The following CHD5 variants were observed in gnomAD, a reference collection of about 807,000 sequenced individuals.
The protein encoded by CHD5 is chromodomain helicase DNA binding protein 5.
A neutral mutation model predicts 230.3 loss-of-function variants in CHD5; 69 were observed. That is an observed-to-expected ratio of 0.30 (90% CI 0.25 to 0.37). The LOEUF is 0.37. Among genes scored for constraint, CHD5 ranks in the 10% least tolerant of loss-of-function variants. The probability of loss-of-function intolerance (pLI) is 1.00; values close to 1 mark genes in which losing one functional copy is unlikely to be tolerated. For synonymous variants in CHD5, 1,064 were observed against 1,065.9 expected (o/e 1.00, Z 0.03); for missense variants, 1,827 against 2,622.8 (o/e 0.70, Z 6.63).
chr1:6,130,065 G>GA lies in CHD5; in HGVS notation c.3387+138dup. ...CACTCCCAGAGCCCCTCTTGGGGCC[G>GA]AGACTCCACGGGGGAGGGAGGCCCA... On this transcript the variant is annotated intron_variant, in intron 22 of 41. Transcript: ENST00000262450. This position sits in a 1 kb window ranked among gnomAD's most constrained non-coding sequence, Gnocchi z 4.9. 3 of 980,528 alleles carry GA rather than the reference G, an allele frequency of 3.1e-6. No individual in the cohort carries two copies. The highest frequency in any genetic ancestry group is 4.6e-6 in the Non-Finnish European group (3 of 648,318). The allele number at this position is 980,528 out of a possible 1,614,324, so 60.7% of individuals were successfully genotyped here. A position where few individuals can be genotyped will look rare whatever the true frequency, so the allele number is the denominator to read the frequency against.
Position 6,134,075 on chromosome 1 carries a change from G to T in CHD5, c.3144+53C>A. 5 of 1,549,276 alleles carry T rather than the reference G, an allele frequency of 3.2e-6. No individual in the cohort carries two copies. Among genetic ancestry groups the T allele is most frequent in the Non-Finnish European group, 4.4e-6 (5 of 1,134,704 alleles). Reference sequence around the variant, plus strand: ...TTTGCGCCCCCAAGCATCAGGGCAGGATGCTCTCTGTGGGGTGTGGAGCCG... The same window carrying T: ...TTTGCGCCCCCAAGCATCAGGGCAGTATGCTCTCTGTGGGGTGTGGAGCCG... On this transcript the variant is annotated intron_variant, in intron 20 of 41. Transcript: ENST00000262450. This position sits in a 1 kb window ranked among gnomAD's most constrained non-coding sequence, Gnocchi z 6.3.
chr1:6,153,690 G>A (rs377143974), intron 5 of CHD5, among the ~76,000 whole-genome samples: 1 of 152,146 alleles, frequency 6.6e-6, no homozygotes, highest in South Asian at 2.1e-4. Flanking sequence ...AATTAGCCAG[G>A]TGTGGTGATG....
chr1:6,147,112 T>A (rs1413564378), intron 9 of CHD5, among the ~76,000 whole-genome samples: 1 of 152,202 alleles, frequency 6.6e-6, no homozygotes. Flanking sequence ...AATGGTGAAC[T>A]TATCGGCACC....
At position 6,162,393 on chromosome 1, in the gene CHD5, A is replaced by T. The variant is rs544995778; in HGVS notation, c.208-2878T>A. On this transcript the variant is annotated intron_variant, in intron 2 of 41. Coordinates refer to ENST00000262450, the MANE Select transcript of CHD5 (RefSeq NM_015557.3). Reference sequence around the variant, plus strand: ...AAGAGCCAAACTCCATCTCAAAAAAAAAAAGAAAAGAAAAGAAAGAAAAGA... The same window carrying T: ...AAGAGCCAAACTCCATCTCAAAAAATAAAAGAAAAGAAAAGAAAGAAAAGA... Among the ~76,000 whole-genome samples the T allele has an allele frequency of 3.3e-5, 5 of 152,178 alleles. No homozygotes were observed. In the East Asian group the frequency reaches 9.7e-4, roughly 29 times the overall value.
Position 6,176,584 on chromosome 1 carries a change from A to G in CHD5, c.79+3361T>C, listed in dbSNP as rs149570811. Among the ~76,000 whole-genome samples, 2 of 152,336 alleles carry G rather than the reference A, an allele frequency of 1.3e-5. 1 individual carries two copies. Among genetic ancestry groups the G allele is most frequent in the Non-Finnish European group, 2.9e-5 (2 of 68,006 alleles). ...GAGCTTACTGGCTAAGGATGCAAGT[A>G]TCAGAAGCATTTCCTTGGAGAAGGC... On this transcript the variant is annotated intron_variant, in intron 1 of 41. Coordinates refer to ENST00000262450, the MANE Select transcript of CHD5 (RefSeq NM_015557.3).
intron 3 of CHD5, among the ~76,000 whole-genome samples, chr1:6,157,839 A>G (rs1667103009): frequency 6.6e-6 from 1 of 152,172 alleles, no homozygotes; most frequent in African/African-American, 2.4e-5. Flanking sequence ...AGCTTTCAGA[A>G]CTGTCAGCCC....
intron 31 of CHD5, 149 bp downstream of exon 31, chr1:6,123,799 A>G (rs1050668398): frequency 3.9e-6 from 2 of 518,880 alleles, no homozygotes; most frequent in Non-Finnish European, 6.4e-6. Flanking sequence ...AAAATGGAAA[A>G]CTCTCTGTAG....
At chr1:6,176,463 G>A (rs1319567985) in intron 1 of CHD5, among the ~76,000 whole-genome samples, 1 of 152,184 alleles carries the variant, frequency 6.6e-6, no homozygotes, top group Non-Finnish European at 1.5e-5. Context: ...GGCCCTAAGA[G>A]GGCTGAGAGC....
At chr1:6,159,289 T>G in intron 3 of CHD5, 47 bp downstream of exon 3, 2 of 1,548,406 alleles carry the variant, frequency 1.3e-6, no homozygotes, top group Non-Finnish European at 1.7e-6. Context: ...TCAGCCCCCT[T>G]AAAGGGGGAT....
rs1185055669 is a variant in CHD5 at position 6,121,320 on chromosome 1, C to G, written c.4780-83G>C. On this transcript the variant is annotated intron_variant, in intron 32 of 41. Transcript: ENST00000262450. This position sits in a 1 kb window ranked among gnomAD's most constrained non-coding sequence, Gnocchi z 4.5. ...CGGGGAACGTGCGCTGGGCTGGGAA[C>G]CCAGTCTCCTGGCTCCCGTCGCTTG... The G allele has an allele frequency of 6.4e-7, 1 of 1,557,860 alleles. No homozygotes were observed. Among genetic ancestry groups the G allele is most frequent in the African/African-American group, 1.4e-5 (1 of 72,896 alleles).
At chr1:6,138,963 T>A (rs1157069670) in intron 15 of CHD5, among the ~76,000 whole-genome samples, 2 of 152,196 alleles carry the variant, frequency 1.3e-5, no homozygotes, top group Non-Finnish European at 2.9e-5. Context: ...TGCCACAACA[T>A]GCATGAACCT....
Position 6,106,305 on chromosome 1 carries a change from G to C in CHD5, c.5858-18C>G. 6.2e-7 allele frequency: 1 copy of C among 1,612,816 alleles called. No homozygotes were observed. Among genetic ancestry groups the C allele is most frequent in the Non-Finnish European group, 8.5e-7 (1 of 1,179,972 alleles). Reference sequence around the variant, plus strand: ...CTAGATATCTGTCAAAAAAAGAGGAGAGCCGGGCTTGCCTGACGTTGGCAG... The same window carrying C: ...CTAGATATCTGTCAAAAAAAGAGGACAGCCGGGCTTGCCTGACGTTGGCAG... On this transcript the variant is annotated intron_variant, in intron 40 of 41. Transcript: ENST00000262450.
chr1:6,149,404 CA>C lies in CHD5; in HGVS notation c.1002del (p.Asp334GlufsTer132). The stretch of plus-strand genomic sequence containing the variant: ...TGGTGGTCTGTCTCATAGCCGTCAC[CA>C]TCATCAACTAGGGTAGGGGAGAGGC... ...KRRRKKKRID[D>X]GDGYETDHQD... On this transcript the variant is annotated frameshift_variant, in exon 8 of 42. Coordinates refer to ENST00000262450, the MANE Select transcript of CHD5 (RefSeq NM_015557.3). LOFTEE classifies it high-confidence loss of function. 6.2e-7 allele frequency: 1 copy of C among 1,608,646 alleles called. No individual in the cohort carries two copies. Among genetic ancestry groups the C allele is most frequent in the African/African-American group, 1.3e-5 (1 of 74,668 alleles).
At position 6,125,381 on chromosome 1, in the gene CHD5, T is replaced by C; in HGVS notation, c.4260+143A>G. On this transcript the variant is annotated intron_variant, in intron 28 of 41. Coordinates refer to ENST00000262450, the MANE Select transcript of CHD5 (RefSeq NM_015557.3). This position sits in a 1 kb window ranked among gnomAD's most constrained non-coding sequence, Gnocchi z 6.7. ...GGGGCCTCCACCTGGGGCAGGACCCTGACGGCGAAGACCAGACCAAGTTCT... is the reference window on the plus strand; with the variant it reads ...GGGGCCTCCACCTGGGGCAGGACCCCGACGGCGAAGACCAGACCAAGTTCT... 1 of 1,221,920 alleles carries C rather than the reference T, an allele frequency of 8.2e-7. No individual in the cohort carries two copies. Among genetic ancestry groups the C allele is most frequent in the Non-Finnish European group, 1.1e-6 (1 of 877,208 alleles). The allele number at this position is 1,221,920 out of a possible 1,614,324, so 75.7% of individuals were successfully genotyped here.
chr1:6,175,830 C>CATGG (rs1347028500), intron 1 of CHD5, among the ~76,000 whole-genome samples: 3 of 120,486 alleles, frequency 2.5e-5, no homozygotes, highest in East Asian at 2.6e-4. Flanking sequence ...TACATGGATG[C>CATGG]ATGGATGGAT....
At chr1:6,135,164 G>A (rs1229676356) in intron 18 of CHD5, 66 bp downstream of exon 18, 29 of 1,579,250 alleles carry the variant, frequency 1.8e-5, no homozygotes, top group African/African-American at 8.1e-5. Context: ...CCTGGGAATC[G>A]ACCCAGGAGA....
Position 6,125,876 on chromosome 1 carries a change from G to A in CHD5, c.4079-18C>T, listed in dbSNP as rs1666547224. 2 of 1,586,890 alleles carry A rather than the reference G, an allele frequency of 1.3e-6. No individual in the cohort carries two copies. Among genetic ancestry groups the A allele is most frequent in the African/African-American group, 2.7e-5 (2 of 74,418 alleles). On this transcript the variant is annotated intron_variant, in intron 26 of 41. Coordinates refer to ENST00000262450, the MANE Select transcript of CHD5 (RefSeq NM_015557.3). The surrounding 1 kb of genome is among the most constrained non-coding windows in gnomAD (Gnocchi z 6.7). ...CTGCCACTCTGCAGGGGGCCAGACA[G>A]AGGGGCACGGAGTGAGCTGTACAAG...
At chr1:6,149,124 A>G in intron 8 of CHD5, 49 bp from the exon 9 acceptor site, 1 of 1,468,114 alleles carries the variant, frequency 6.8e-7, no homozygotes, top group Non-Finnish European at 9.1e-7. Flanking sequence ...TCCCCGCTCC[A>G]CCAGGCCCGA....
intron 1 of CHD5, among the ~76,000 whole-genome samples, chr1:6,177,843 G>A (rs908082427): frequency 6.6e-6 from 1 of 152,316 alleles, no homozygotes; most frequent in South Asian, 2.1e-4. Flanking sequence ...GGAGGCCAGC[G>A]TGGCTGCTGT....
Sources: allele counts gnomAD v4.1 joint callset (sites outside exome capture counted in the v4.1 genomes callset), GRCh38; gene constraint gnomAD v4.1.1; non-coding constraint Gnocchi (gnomAD v3.1); transcripts MANE v1.5; gene names NCBI Gene and HGNC (gene_info 2026-07-23, HGNC 2026-07-21).